Variants in SLC4A4 observed in about 807,000 individuals in gnomAD.
SLC4A4 encodes electrogenic sodium bicarbonate cotransporter 1.
A neutral mutation model predicts 111.5 loss-of-function variants in SLC4A4; 27 were observed. That is an observed-to-expected ratio of 0.24 (90% CI 0.18 to 0.33). The LOEUF (loss-of-function observed/expected upper bound fraction) is 0.33, where lower values mean the gene tolerates loss of function less well. SLC4A4 is among the 10% of genes least tolerant of loss of function. The pLI is 1.00. For missense variants in SLC4A4, 909 were observed against 1,315.5 expected (o/e 0.69, Z 4.78); for synonymous variants, 443 against 463.4 (o/e 0.96, Z 0.57).
intron 7 of SLC4A4, chr4:71,437,302 C>T: frequency 2.8e-6 from 1 of 359,038 alleles, no homozygotes; most frequent in South Asian, 2.7e-5. Flanking sequence ...ACAGCCACTT[C>T]CAATAACACG....
intron 14 of SLC4A4, among the ~76,000 whole-genome samples, chr4:71,483,646 G>A (rs1729095900): frequency 6.6e-6 from 1 of 151,876 alleles, no homozygotes; most frequent in South Asian, 2.1e-4. Context: ...GTGTACATGT[G>A]TCTTTGAAAT....
chr4:71,155,874 AT>A (rs1365917430), intron 2 of SLC4A4, among the ~76,000 whole-genome samples: 2 of 152,124 alleles, frequency 1.3e-5, no homozygotes, highest in East Asian at 3.9e-4. Context: ...AAATGTCTGT[AT>A]TTTTTAAAAG....
chr4:71,140,292 G>A (rs111639440), intron 2 of SLC4A4, among the ~76,000 whole-genome samples: 19,125 of 151,944 alleles, frequency 0.13, 1,362 homozygotes, highest in East Asian at 0.27. Flanking sequence ...ATGGTGATGC[G>A]CACCTGAAGT....
chr4:71,233,030 A>G (rs1719547035), intron 1 of SLC4A4, among the ~76,000 whole-genome samples: 1 of 152,244 alleles, frequency 6.6e-6, no homozygotes, highest in Admixed American at 6.5e-5. Flanking sequence ...TCTTTTAAGA[A>G]AATTTCCTCA....
intron 1 of SLC4A4, among the ~76,000 whole-genome samples, chr4:71,087,636 T>G (rs1293791980): frequency 6.6e-6 from 1 of 152,074 alleles, no homozygotes; most frequent in Non-Finnish European, 1.5e-5. Flanking sequence ...AAGAACATCT[T>G]TATTTCTGCC....
At chr4:71,180,742 A>G (rs555579152) in intron 2 of SLC4A4, among the ~76,000 whole-genome samples, 1 of 152,334 alleles carries the variant, frequency 6.6e-6, no homozygotes, top group African/African-American at 2.4e-5. Flanking sequence ...ACACTTTTAC[A>G]CTGTTGGTGG....
chr4:71,416,433 T>A (rs4413375), intron 7 of SLC4A4, among the ~76,000 whole-genome samples: 3 of 152,296 alleles, frequency 2.0e-5, no homozygotes, highest in East Asian at 1.9e-4. Flanking sequence ...GTGAATGTGC[T>A]CCTACTCTTG....
intron 15 of SLC4A4, among the ~76,000 whole-genome samples, chr4:71,496,441 G>C (rs937740628): frequency 6.6e-6 from 1 of 152,076 alleles, no homozygotes; most frequent in Admixed American, 6.6e-5. Flanking sequence ...TCCCATGGGA[G>C]CTGTGGAGCA....
At chr4:71,472,550 G>T in intron 13 of SLC4A4, 149 bp from the exon 14 acceptor site, 1 of 766,856 alleles carries the variant, frequency 1.3e-6, no homozygotes, top group Non-Finnish European at 2.1e-6. Flanking sequence ...CTTAAACTTA[G>T]TGCTTTCTGG....
chr4:71,469,842 A>G (rs1451833107), intron 13 of SLC4A4, among the ~76,000 whole-genome samples: 4 of 151,956 alleles, frequency 2.6e-5, no homozygotes, highest in Admixed American at 2.0e-4. Context: ...TAAAGCAGCT[A>G]GTTTAGCATA....
At chr4:71,335,907 A>T (rs923138651) in intron 3 of SLC4A4, among the ~76,000 whole-genome samples, 3 of 152,100 alleles carry the variant, frequency 2.0e-5, no homozygotes, top group Admixed American at 2.0e-4. Flanking sequence ...CCTTATTTTA[A>T]TGTTCTGCAT....
At chr4:71,204,014 A>G (rs1413944230) in intron 1 of SLC4A4, among the ~76,000 whole-genome samples, 1 of 152,232 alleles carries the variant, frequency 6.6e-6, no homozygotes, top group Non-Finnish European at 1.5e-5. Flanking sequence ...ATTAGAATTT[A>G]TATTTTCTCT....
chr4:71,081,001 C>T (rs1283053226), intron 1 of SLC4A4, among the ~76,000 whole-genome samples: 3 of 152,078 alleles, frequency 2.0e-5, no homozygotes, highest in Non-Finnish European at 4.4e-5. Context: ...TAAAACTCCT[C>T]TTGGATTCTG....
chr4:71,092,285 G>A (rs1475586107), intron 1 of SLC4A4, among the ~76,000 whole-genome samples: 1 of 152,102 alleles, frequency 6.6e-6, no homozygotes, highest in Non-Finnish European at 1.5e-5. Context: ...AATTCATATG[G>A]TTGATGGATT....
chr4:71,293,088 G>C (rs913157631), intron 3 of SLC4A4, among the ~76,000 whole-genome samples: 9 of 150,042 alleles, frequency 6.0e-5, no homozygotes, highest in African/African-American at 1.7e-4. Flanking sequence ...TGATCCACCC[G>C]CTTCGGCCTC....
At chr4:71,484,861 G>A (rs1456466408) in intron 14 of SLC4A4, among the ~76,000 whole-genome samples, 1 of 151,700 alleles carries the variant, frequency 6.6e-6, no homozygotes, top group Non-Finnish European at 1.5e-5. Flanking sequence ...TCCTTGTAGA[G>A]ATCTTTCACC....
intron 3 of SLC4A4, chr4:71,300,820 G>T (rs1725192869): frequency 4.6e-6 from 2 of 430,384 alleles, no homozygotes; most frequent in Admixed American, 2.5e-5. Context: ...CCCCTGAGGT[G>T]CAGAGAAGCA....
At chr4:71,306,435 G>T (rs1438540488) in intron 3 of SLC4A4, among the ~76,000 whole-genome samples, 1 of 152,078 alleles carries the variant, frequency 6.6e-6, no homozygotes, top group Non-Finnish European at 1.5e-5. Flanking sequence ...ACAAAAATTA[G>T]CCAGACGTGG....
intron 16 of SLC4A4, among the ~76,000 whole-genome samples, chr4:71,508,286 C>A (rs1731599586): frequency 6.6e-6 from 1 of 151,936 alleles, no homozygotes; most frequent in African/African-American, 2.4e-5. Context: ...AAAAGATCAA[C>A]AAATCCAGGA....
Sources: gnomAD v4.1 joint callset for allele counts (sites outside exome capture counted in the v4.1 genomes callset) on GRCh38, gnomAD v4.1.1 for gene constraint, MANE v1.5 for transcripts, NCBI Gene and HGNC (gene_info 2026-07-23, HGNC 2026-07-21) for gene names.